The following CEP112 variants were observed in gnomAD, a reference collection of about 807,000 sequenced individuals.
CEP112 encodes the protein centrosomal protein 112.
A neutral mutation model predicts 153.0 loss-of-function variants in CEP112; 127 were observed. The ratio of observed to expected loss-of-function variants is 0.83; its 90% CI spans 0.72 to 0.96. The LOEUF is 0.96. CEP112 is among the 40% of genes least tolerant of loss of function. The pLI, the probability that CEP112 is intolerant of heterozygous loss-of-function variation, is 0.00. For synonymous variants in CEP112, 358 were observed against 374.4 expected, an observed-to-expected ratio of 0.96 and a Z score of 0.51; for missense variants, 1,089 against 1,101.2, an observed-to-expected ratio of 0.99 and a Z score of 0.16.
intron 18 of CEP112, among the ~76,000 whole-genome samples, chr17:65,939,289 A>G (rs933738214): frequency 4.6e-5 from 7 of 152,206 alleles, no homozygotes; most frequent in African/African-American, 1.4e-4. Context: ...AAGAATTAAT[A>G]GTGTTAAAAT....
intron 17 of CEP112, among the ~76,000 whole-genome samples, chr17:65,963,321 T>C (rs555454638): frequency 6.6e-6 from 1 of 152,224 alleles, no homozygotes; most frequent in Admixed American, 6.5e-5. Flanking sequence ...TAGAGAAATA[T>C]CATAAAGGGG....
chr17:65,973,245 C>T (rs866116102), intron 17 of CEP112, among the ~76,000 whole-genome samples: 45 of 152,192 alleles, frequency 3.0e-4, no homozygotes, highest in African/African-American at 1.0e-3. Context: ...AGAACAAATA[C>T]TGTAAACACA....
chr17:65,783,854 C>A (rs1054878917), intron 21 of CEP112, among the ~76,000 whole-genome samples: 1 of 152,164 alleles, frequency 6.6e-6, no homozygotes, highest in Non-Finnish European at 1.5e-5. Context: ...TTCCTTTGAT[C>A]GACTATTTCA....
chr17:66,003,784 C>T (rs2064155969), intron 17 of CEP112, among the ~76,000 whole-genome samples: 1 of 152,162 alleles, frequency 6.6e-6, no homozygotes, highest in African/African-American at 2.4e-5. Context: ...AGCGTGAACC[C>T]TATTGTGAAC....
intron 17 of CEP112, among the ~76,000 whole-genome samples, chr17:65,979,606 A>G (rs1212481674): frequency 2.0e-5 from 3 of 152,128 alleles, no homozygotes; most frequent in South Asian, 2.1e-4. Flanking sequence ...TATCAATACA[A>G]AACTGAATAC....
intron 4 of CEP112, among the ~76,000 whole-genome samples, chr17:66,136,240 A>G (rs2070430860): frequency 2.0e-5 from 3 of 152,290 alleles, no homozygotes; most frequent in African/African-American, 7.2e-5. Context: ...GCAGTAACTG[A>G]CCATAGCCCC....
chr17:66,112,741 C>T (rs1327571065), intron 6 of CEP112, among the ~76,000 whole-genome samples: 1 of 152,086 alleles, frequency 6.6e-6, no homozygotes, highest in African/African-American at 2.4e-5. Flanking sequence ...GTCAGGCGTT[C>T]GAGACCAGCA....
At chr17:65,829,923 A>G (rs2057009299) in intron 21 of CEP112, among the ~76,000 whole-genome samples, 1 of 152,212 alleles carries the variant, frequency 6.6e-6, no homozygotes, top group African/African-American at 2.4e-5. Context: ...AAATGTATAG[A>G]CACCCTATTA....
chr17:66,147,644 C>A (rs1268432495), intron 4 of CEP112, among the ~76,000 whole-genome samples: 2 of 152,018 alleles, frequency 1.3e-5, no homozygotes, highest in Non-Finnish European at 2.9e-5. Flanking sequence ...CCTATTATAG[C>A]TCTTATGTTT....
intron 17 of CEP112, among the ~76,000 whole-genome samples, chr17:65,967,630 C>T (rs865839785): frequency 6.6e-4 from 101 of 152,078 alleles, no homozygotes; most frequent in African/African-American, 2.4e-3. Context: ...AAGAACGTAA[C>T]AATGAAGTAA....
At chr17:65,849,490 A>G (rs2057848792) in intron 21 of CEP112, among the ~76,000 whole-genome samples, 1 of 152,202 alleles carries the variant, frequency 6.6e-6, no homozygotes, top group African/African-American at 2.4e-5. Flanking sequence ...CAGGTTTCTA[A>G]TACTAATTTT....
intron 24 of CEP112, among the ~76,000 whole-genome samples, chr17:65,685,821 C>T (rs998732052): frequency 1.3e-4 from 20 of 151,932 alleles, no homozygotes; most frequent in African/African-American, 4.3e-4. Context: ...TATAGGCGCC[C>T]GCCACCACGC....
rs144961344 is a variant in CEP112, at chr17:65,879,410, T to C, written c.2163+22742A>G. On this transcript the variant is annotated intron_variant, in intron 20 of 26. Transcript: ENST00000535342. Reference sequence around the variant, plus strand: ...AGGCTTCCAACAACTTCATTTTAGTTTTGTAAGACTAATTTCAGATTTCTC... The same window carrying C: ...AGGCTTCCAACAACTTCATTTTAGTCTTGTAAGACTAATTTCAGATTTCTC... Among the ~76,000 whole-genome samples, 347 of 152,340 alleles carry C rather than the reference T, an allele frequency of 2.3e-3. 1 individual carries two copies. The highest frequency in any genetic ancestry group is 8.0e-3 in the African/African-American group (332 of 41,576).
intron 4 of CEP112, among the ~76,000 whole-genome samples, chr17:66,170,340 C>T (rs2146832757): frequency 6.6e-6 from 1 of 152,260 alleles, no homozygotes; most frequent in Non-Finnish European, 1.5e-5. Context: ...TGATATAGCT[C>T]ATGATTGTAG....
At chr17:66,041,569 A>T (rs2065981415) in intron 12 of CEP112, among the ~76,000 whole-genome samples, 1 of 152,120 alleles carries the variant, frequency 6.6e-6, no homozygotes, top group Admixed American at 6.6e-5. Flanking sequence ...GGTGCAAGAG[A>T]AATGATACCC....
intron 20 of CEP112, among the ~76,000 whole-genome samples, chr17:65,887,671 G>A (rs537903363): frequency 6.6e-6 from 1 of 152,164 alleles, no homozygotes; most frequent in Non-Finnish European, 1.5e-5. Context: ...ATATTCTCAC[G>A]CAAGATCAGG....
At chr17:65,736,157 G>A (rs2050793367) in intron 23 of CEP112, among the ~76,000 whole-genome samples, 1 of 151,408 alleles carries the variant, frequency 6.6e-6, no homozygotes, top group African/African-American at 2.4e-5. Context: ...ATTGGGGAAT[G>A]GGGTATGAGT....
At chr17:66,038,100 C>CAAAAAAAAAAAA (rs5821553) in intron 12 of CEP112, among the ~76,000 whole-genome samples, 123 of 105,132 alleles carry the variant, frequency 1.2e-3, no homozygotes, top group African/African-American at 1.5e-3. Context: ...GACTCTGTCT[C>CAAAAAAAAAAAA]AAAAAAAAAA....
At chr17:66,118,294 G>A (rs1450204127) in intron 6 of CEP112, among the ~76,000 whole-genome samples, 2 of 152,016 alleles carry the variant, frequency 1.3e-5, no homozygotes, top group Non-Finnish European at 2.9e-5. Flanking sequence ...GCCAAGATAT[G>A]GAATCAATCT....
Sources: allele counts gnomAD v4.1 joint callset (sites outside exome capture counted in the v4.1 genomes callset), GRCh38; gene constraint gnomAD v4.1.1; transcripts MANE v1.5; gene names NCBI Gene and HGNC (gene_info 2026-07-23, HGNC 2026-07-21).